Variants in ARMC3 observed in about 807,000 individuals in gnomAD.
The protein encoded by ARMC3 is armadillo repeat-containing protein 3.
Under a neutral mutation model 90.3 loss-of-function variants are expected in ARMC3, and 74 were observed. The observed-to-expected ratio is 0.82, with a 90% CI of 0.68 to 0.99. ARMC3 has a LOEUF of 0.99. ARMC3 is among the 50% of genes least tolerant of loss of function. The probability of loss-of-function intolerance (pLI) is 0.00; values close to 1 mark genes in which losing one functional copy is unlikely to be tolerated. For synonymous variants in ARMC3, 334 were observed against 361.8 expected, an observed-to-expected ratio of 0.92 and a Z score of 0.87; for missense variants, 958 against 1,042.8, an observed-to-expected ratio of 0.92 and a Z score of 1.12.
At chr10:22,948,313 A>G (rs1834616902) in intron 3 of ARMC3, among the ~76,000 whole-genome samples, 1 of 152,178 alleles carries the variant, frequency 6.6e-6, no homozygotes, top group African/African-American at 2.4e-5. Flanking sequence ...GAGTCATTAT[A>G]CATCATCTGG....
intron 3 of ARMC3, among the ~76,000 whole-genome samples, chr10:22,947,487 G>A (rs1279139471): frequency 2.0e-5 from 3 of 152,054 alleles, no homozygotes; most frequent in Non-Finnish European, 2.9e-5. Flanking sequence ...GACAAATCCC[G>A]GTTCAGGTAC....
intron 8 of ARMC3, among the ~76,000 whole-genome samples, chr10:22,979,578 T>A (rs543683558): frequency 6.6e-6 from 1 of 152,194 alleles, no homozygotes; most frequent in Non-Finnish European, 1.5e-5. Flanking sequence ...ATAGAATCCA[T>A]GCTAAGAGGG....
chr10:23,013,178 C>T (rs1322432838), intron 16 of ARMC3, among the ~76,000 whole-genome samples: 4 of 150,336 alleles, frequency 2.7e-5, no homozygotes, highest in East Asian at 1.9e-4. Flanking sequence ...GGATTACAGG[C>T]GTGAAACACC....
chr10:22,930,777 T>C (rs1489353582), intron 1 of ARMC3, among the ~76,000 whole-genome samples: 1 of 152,196 alleles, frequency 6.6e-6, no homozygotes, highest in Non-Finnish European at 1.5e-5. Flanking sequence ...GAGACTATGG[T>C]AATTTCCTTA....
At chr10:22,986,311 G>A (rs1237780540) in intron 10 of ARMC3, among the ~76,000 whole-genome samples, 2 of 151,980 alleles carry the variant, frequency 1.3e-5, no homozygotes, top group African/African-American at 4.8e-5. Flanking sequence ...CAGCACTTTG[G>A]GAGGCCAAGG....
intron 16 of ARMC3, among the ~76,000 whole-genome samples, chr10:23,016,610 T>G (rs958264676): frequency 4.6e-5 from 7 of 152,216 alleles, no homozygotes; most frequent in Non-Finnish European, 8.8e-5. Flanking sequence ...TCCATATGCA[T>G]GAAATGAAAT....
intron 16 of ARMC3, 97 bp from the exon 17 acceptor site, chr10:23,030,499 A>G: frequency 6.7e-7 from 1 of 1,500,764 alleles, no homozygotes; most frequent in African/African-American, 1.4e-5. Flanking sequence ...GGTTCACTGT[A>G]CCTTTTTTCT....
rs1358749648 is a variant in ARMC3, at chr10:22,930,425, A to C, written c.-1-1571A>C. Among the ~76,000 whole-genome samples the C allele has an allele frequency of 2.0e-5, 3 of 152,242 alleles. No homozygotes were observed. In the East Asian group the frequency reaches 5.8e-4, roughly 29 times the overall value. ...CAGGTGTATGTACTGATTGCTGAGT[A>C]ATTTCAAATACAAATTTCAAAAGTT... On this transcript the variant is annotated intron_variant, in intron 1 of 18. Coordinates refer to ENST00000298032, the MANE Select transcript of ARMC3 (RefSeq NM_173081.5).
chr10:22,946,580 C>T (rs1834535488), intron 3 of ARMC3: 1 of 192,168 alleles, frequency 5.2e-6, no homozygotes, highest in Non-Finnish European at 1.1e-5. Flanking sequence ...CAAAGTAAAG[C>T]AGTATTGGCT....
chr10:22,967,804 A>C (rs1835504989), intron 7 of ARMC3, among the ~76,000 whole-genome samples: 1 of 152,076 alleles, frequency 6.6e-6, no homozygotes, highest in Non-Finnish European at 1.5e-5. Context: ...AGCATTTCTC[A>C]CTTTTGGGAT....
At position 23,008,375 on chromosome 10, in the gene ARMC3, G is replaced by T; in HGVS notation, c.1928+1G>T. The T allele has an allele frequency of 7.3e-7, 1 of 1,369,172 alleles. No individual in the cohort carries two copies. Among genetic ancestry groups the T allele is most frequent in the Non-Finnish European group, 1.0e-6 (1 of 988,016 alleles). The allele number at this position is 1,369,172 out of a possible 1,614,324, so 84.8% of individuals were successfully genotyped here. A position where few individuals can be genotyped will look rare whatever the true frequency, so the allele number is the denominator to read the frequency against. On this transcript the variant is annotated splice_donor_variant, in intron 15 of 18. Coordinates refer to ENST00000298032, the MANE Select transcript of ARMC3 (RefSeq NM_173081.5). LOFTEE classifies it high-confidence loss of function. ...GAAGATCAAGTAAAGAAAAGAACAA[G>T]TAAGAAAATGATGTTTTATCTGTAT...
At chr10:22,934,440 A>C (rs2131131472) in intron 2 of ARMC3, among the ~76,000 whole-genome samples, 1 of 152,376 alleles carries the variant, frequency 6.6e-6, no homozygotes, top group South Asian at 2.1e-4. Context: ...TTCCTTTCCA[A>C]ATCATTTCCA....
chr10:23,001,819 A>T, intron 11 of ARMC3, 100 bp from the exon 12 acceptor site: 2 of 1,324,774 alleles, frequency 1.5e-6, no homozygotes, highest in Non-Finnish European at 2.0e-6. Context: ...ATTTTTACAT[A>T]GTTAAAACCT....
chr10:23,031,531 A>G (rs1245778489), intron 17 of ARMC3, among the ~76,000 whole-genome samples: 4 of 152,168 alleles, frequency 2.6e-5, no homozygotes, highest in East Asian at 1.9e-4. Flanking sequence ...TGAAACCTGG[A>G]TGTGACAACT....
At chr10:23,027,136 A>AT (rs1344796515) in intron 16 of ARMC3, among the ~76,000 whole-genome samples, 2 of 152,164 alleles carry the variant, frequency 1.3e-5, no homozygotes, top group Non-Finnish European at 2.9e-5. Flanking sequence ...CTAGAATAAG[A>AT]TTTTCTATTA....
chr10:22,959,954 G>C (rs1835122159), intron 6 of ARMC3: 1 of 397,516 alleles, frequency 2.5e-6, no homozygotes, highest in Non-Finnish European at 4.9e-6. Context: ...TCAATGTACT[G>C]AGATTTTGGT....
intron 2 of ARMC3, among the ~76,000 whole-genome samples, chr10:22,941,048 C>A (rs1211955392): frequency 6.6e-6 from 1 of 152,096 alleles, no homozygotes. Flanking sequence ...ATCCATGAAA[C>A]ATGGATCTCA....
At chr10:23,027,936 T>G (rs956663628) in intron 16 of ARMC3, among the ~76,000 whole-genome samples, 2 of 151,904 alleles carry the variant, frequency 1.3e-5, no homozygotes, top group Admixed American at 6.6e-5. Context: ...AGCTCAGGAG[T>G]TGGAGACAAG....
intron 10 of ARMC3, among the ~76,000 whole-genome samples, chr10:22,987,240 A>G (rs1367807648): frequency 6.6e-6 from 1 of 152,216 alleles, no homozygotes; most frequent in Admixed American, 6.5e-5. Context: ...AATTAATCAT[A>G]TCAAAGTTCC....
Sources: gnomAD v4.1 joint callset for allele counts (sites outside exome capture counted in the v4.1 genomes callset) on GRCh38, gnomAD v4.1.1 for gene constraint, MANE v1.5 for transcripts, NCBI Gene and HGNC (gene_info 2026-07-23, HGNC 2026-07-21) for gene names.